Variants in DDX60 observed in about 807,000 individuals in gnomAD.
The protein encoded by DDX60 is DExD/H-box helicase 60.
Under a neutral mutation model 212.8 loss-of-function variants are expected in DDX60, and 165 were observed. The ratio of observed to expected loss-of-function variants is 0.78; its 90% confidence interval spans 0.68 to 0.88. The LOEUF is 0.88. Among genes scored for constraint, DDX60 ranks in the 40% least tolerant of loss-of-function variants. The pLI, the probability that DDX60 is intolerant of heterozygous loss-of-function variation, is 0.00. For synonymous variants in DDX60, 703 were observed against 685.3 expected, an observed-to-expected ratio of 1.03 and a Z score of -0.40; for missense variants, 1,905 against 2,003.9, an observed-to-expected ratio of 0.95 and a Z score of 0.94.
At chr4:168,271,604 A>C (rs1168556364) in intron 19 of DDX60, among the ~76,000 whole-genome samples, 2 of 152,216 alleles carry the variant, frequency 1.3e-5, no homozygotes, top group African/African-American at 2.4e-5. Flanking sequence ...CCTTTGAAAA[A>C]TACACTTCTT....
chr4:168,260,423 C>T (rs1671317), intron 25 of DDX60, among the ~76,000 whole-genome samples: 60,858 of 151,904 alleles, frequency 0.4, 13,415 homozygotes, highest in African/African-American at 0.6. Flanking sequence ...TAATGAACAC[C>T]GCACTACGAT....
At chr4:168,225,225 A>G (rs972779477) in intron 34 of DDX60, among the ~76,000 whole-genome samples, 11 of 152,018 alleles carry the variant, frequency 7.2e-5, no homozygotes, top group African/African-American at 2.7e-4. Context: ...TTTCCTCTCA[A>G]GAGAGAGTGA....
In DDX60 at chr4:168,272,082, T is replaced by C. The variant is rs989591575; in HGVS notation, c.2631A>G (p.Gln877=). ...CATATCTGATCTTTTTCACCCAGTT[T>C]TGGCGATGAGGAGCAAGCAGCAGAA... is the stretch of plus-strand genomic sequence containing the variant. ...FEILLLAPHR[Q]NWVKKIRYVI... is the part of the protein sequence containing the mutation. The change falls in exon 19 of 38, where the codon CAA becomes CAG. Residue 877 remains glutamine (Q), a synonymous_variant. Coordinates refer to ENST00000393743, the MANE Select transcript of DDX60 (RefSeq NM_017631.6). 6.3e-7 allele frequency: 1 copy of C among 1,588,126 alleles called. No homozygotes were observed. The highest frequency in any genetic ancestry group is 1.3e-5 in the African/African-American group (1 of 74,410).
chr4:168,225,456 C>T (rs1183165152), intron 34 of DDX60, 73 bp downstream of exon 34: 2 of 1,415,120 alleles, frequency 1.4e-6, no homozygotes, highest in East Asian at 4.8e-5. Flanking sequence ...CACTCTTCTT[C>T]CAGAATAAAC....
intron 29 of DDX60, among the ~76,000 whole-genome samples, chr4:168,246,905 CAAAG>C (rs1734043869): frequency 6.6e-6 from 1 of 152,082 alleles, no homozygotes; most frequent in South Asian, 2.1e-4. Flanking sequence ...ATTGAAGAAA[CAAAG>C]AACACTGGCA....
chr4:168,242,568 T>A (rs1254325538), intron 30 of DDX60, among the ~76,000 whole-genome samples: 2 of 152,222 alleles, frequency 1.3e-5, no homozygotes, highest in Non-Finnish European at 2.9e-5. Flanking sequence ...TGGACTTGCA[T>A]GGGGCCTGTG....
intron 19 of DDX60, 57 bp from the exon 20 acceptor site, chr4:168,269,026 G>C: frequency 1.0e-6 from 1 of 973,066 alleles, no homozygotes; most frequent in South Asian, 1.9e-5. Flanking sequence ...AATAGCAAAT[G>C]AAAGTTAAGA....
At chr4:168,316,883 C>G (rs1398684589) in intron 1 of DDX60, among the ~76,000 whole-genome samples, 1 of 151,284 alleles carries the variant, frequency 6.6e-6, no homozygotes, top group Non-Finnish European at 1.5e-5. Flanking sequence ...CATGGTGAAA[C>G]CCCATCTCTA....
At chr4:168,255,617 C>T in intron 26 of DDX60, 94 bp downstream of exon 26, 1 of 1,133,414 alleles carries the variant, frequency 8.8e-7, no homozygotes, top group Non-Finnish European at 1.2e-6. Flanking sequence ...ACAACTAGAA[C>T]TTATTTATAG....
At position 168,288,301 on chromosome 4, in the gene DDX60, T is replaced by C. The variant is rs1414674382; in HGVS notation, c.1056A>G (p.Glu352=). 1 of 1,470,988 alleles carries C rather than the reference T, an allele frequency of 6.8e-7. No individual in the cohort carries two copies. Among genetic ancestry groups the C allele is most frequent in the Non-Finnish European group, 9.3e-7 (1 of 1,079,754 alleles). 91.1% of individuals were successfully genotyped at this position (1,470,988 alleles called of 1,614,324 possible). The change falls in exon 9 of 38, where the codon GAA becomes GAG. Residue 352 remains glutamate (E), a synonymous_variant. Transcript: ENST00000393743. ...TATGTATATTTCTTAAGATGAAATA[T>C]TCACACCACTTTTTCTGAAAATTGA... The part of the protein sequence containing the change: ...KPLLQMKKWC[E]YFILRNIHTF...
At chr4:168,271,931 C>G in intron 19 of DDX60, 112 bp downstream of exon 19, 2 of 840,100 alleles carry the variant, frequency 2.4e-6, no homozygotes, top group Non-Finnish European at 3.7e-6. Flanking sequence ...AAACGGAGGC[C>G]TTCTCAATCT....
In DDX60 at chr4:168,255,807, T is replaced by C. The variant is rs1325085143; in HGVS notation, c.3461A>G (p.Gln1154Arg). The change falls in exon 26 of 38, where the codon CAG becomes CGG. Residue 1154 changes from glutamine (Q) to arginine (R), a missense_variant. By Grantham distance (43) the Gln-to-Arg change is conservative. Transcript: ENST00000393743. ...AGCTTTGGGAGGCCTTTTTGTCTCC[T>C]GCTTTTTCTTTAGGAAAGTGCTCAC... ...ESVSTFLKKK[Q>R]ETKRPPKADK... The C allele has an allele frequency of 6.2e-7, 1 of 1,608,952 alleles. No individual in the cohort carries two copies. The highest frequency in any genetic ancestry group is 2.2e-5 in the East Asian group (1 of 44,778).
chr4:168,285,607 C>G (rs1356741169), intron 10 of DDX60, 109 bp from the exon 11 acceptor site: 5 of 680,514 alleles, frequency 7.3e-6, no homozygotes, highest in Non-Finnish European at 1.2e-5. Context: ...TTATATTAAT[C>G]TTATTTACAT....
Position 168,302,433 on chromosome 4 carries a change from A to G in DDX60, c.607-17T>C, listed in dbSNP as rs1265639835. The G allele has an allele frequency of 6.6e-6, 8 of 1,219,710 alleles. No individual in the cohort carries two copies. Among genetic ancestry groups the G allele is most frequent in the African/African-American group, 1.6e-5 (1 of 63,976 alleles). The allele number at this position is 1,219,710 out of a possible 1,614,324, so 75.6% of individuals were successfully genotyped here. On this transcript the variant is annotated splice_polypyrimidine_tract_variant and intron_variant, in intron 5 of 37. Coordinates refer to ENST00000393743, the MANE Select transcript of DDX60 (RefSeq NM_017631.6). ...CTGCTTATTCTGTAAAATAAAGAAAAATCAGAAAAGTTGTTATAAATAAAA... is the reference window on the plus strand; with the variant it reads ...CTGCTTATTCTGTAAAATAAAGAAAGATCAGAAAAGTTGTTATAAATAAAA...
chr4:168,286,427 T>TAGATAGATAGATAGATAGAA (rs1735858993), intron 10 of DDX60, among the ~76,000 whole-genome samples: 1 of 43,322 alleles, frequency 2.3e-5, no homozygotes, highest in Admixed American at 1.9e-4. Context: ...CCACACGAGA[T>TAGATAGATAGATAGATAGAA]AGATAGATAG....
In DDX60 at chr4:168,225,680, G is replaced by A; in HGVS notation, c.4534-4C>T. On this transcript the variant is annotated splice_polypyrimidine_tract_variant and splice_region_variant and intron_variant, in intron 33 of 37. Transcript: ENST00000393743. ...CAGGGAGATCATCAAGGAACACCTA[G>A]AAGCCGAATAATTTTCATAGAGATA... 1 of 1,607,572 alleles carries A rather than the reference G, an allele frequency of 6.2e-7. No individual in the cohort carries two copies. Among genetic ancestry groups the A allele is most frequent in the Middle Eastern group, 1.7e-4 (1 of 6,006 alleles).
chr4:168,272,142 CA>C lies in DDX60; in HGVS notation c.2575-5del. ...AGGCAGGCACTGTAATAAGTACCTA[CA>C]AAGAATAATATTGTGTGAAGTAACA... On this transcript the variant is annotated splice_polypyrimidine_tract_variant and splice_region_variant and intron_variant, in intron 18 of 37. Transcript: ENST00000393743. The C allele has an allele frequency of 6.4e-7, 1 of 1,565,320 alleles. No individual in the cohort carries two copies. Among genetic ancestry groups the C allele is most frequent in the Non-Finnish European group, 8.7e-7 (1 of 1,152,156 alleles).
At chr4:168,289,392 T>C (rs1735990986) in intron 8 of DDX60, among the ~76,000 whole-genome samples, 5 of 152,234 alleles carry the variant, frequency 3.3e-5, no homozygotes, top group Admixed American at 3.3e-4. Flanking sequence ...TCTATCTAAG[T>C]AGTTCCTTCT....
chr4:168,259,946 C>A (rs960269551), intron 25 of DDX60, among the ~76,000 whole-genome samples: 3 of 151,278 alleles, frequency 2.0e-5, no homozygotes, highest in African/African-American at 7.3e-5. Context: ...TTGCAAAGAA[C>A]CTTTATGTAT....
Sources: allele counts gnomAD v4.1 joint callset (sites outside exome capture counted in the v4.1 genomes callset), GRCh38; gene constraint gnomAD v4.1.1; transcripts MANE v1.5; gene names NCBI Gene and HGNC (gene_info 2026-07-23, HGNC 2026-07-21).